Variants in IGSF21 observed in about 807,000 individuals in gnomAD.
IGSF21 encodes immunoglobin superfamily member 21, also known as immunoglobulin superfamily member 21.
In IGSF21, 28 loss-of-function variants were observed where a neutral mutation model predicts 46.8. The observed-to-expected ratio is 0.60, with a 90% CI of 0.44 to 0.82. The LOEUF (loss-of-function observed/expected upper bound fraction) is 0.82, where lower values mean the gene tolerates loss of function less well. Among genes scored for constraint, IGSF21 ranks in the 40% least tolerant of loss-of-function variants. The probability of loss-of-function intolerance (pLI) is 0.00; values close to 1 mark genes in which losing one functional copy is unlikely to be tolerated. For missense variants in IGSF21, 624 were observed against 665.5 expected (o/e 0.94, Z 0.69); for synonymous variants, 284 against 273.6 (o/e 1.04, Z -0.38).
At chr1:18,241,905 C>T (rs2084732013) in intron 2 of IGSF21, among the ~76,000 whole-genome samples, 1 of 152,168 alleles carries the variant, frequency 6.6e-6, no homozygotes, top group Non-Finnish European at 1.5e-5. Context: ...TTGTCTGAGT[C>T]CCCTTAGAGC....
At chr1:18,238,103 A>T (rs1311799713) in intron 2 of IGSF21, among the ~76,000 whole-genome samples, 1 of 152,150 alleles carries the variant, frequency 6.6e-6, no homozygotes, top group Non-Finnish European at 1.5e-5. Flanking sequence ...TGATGCCCCC[A>T]TGCCCCAACT....
chr1:18,261,390 G>A (rs1204223637), intron 2 of IGSF21, among the ~76,000 whole-genome samples: 1 of 152,074 alleles, frequency 6.6e-6, no homozygotes, highest in Non-Finnish European at 1.5e-5. Flanking sequence ...ACAGGGACTG[G>A]ATGGAAGGAA....
intron 2 of IGSF21, among the ~76,000 whole-genome samples, chr1:18,288,478 G>GT (rs2085236276): frequency 6.6e-6 from 1 of 152,208 alleles, no homozygotes; most frequent in African/African-American, 2.4e-5. Flanking sequence ...TGTCTGAAAT[G>GT]TATTTCCTTC....
intron 3 of IGSF21, among the ~76,000 whole-genome samples, chr1:18,325,927 GGGT>G (rs767965301): frequency 0.091 from 13,902 of 152,174 alleles, 1,729 homozygotes; most frequent in African/African-American, 0.28. Flanking sequence ...GTGCACACCT[GGGT>G]CACTAGGCCA....
At chr1:18,341,140 T>A (rs2085836318) in intron 4 of IGSF21, among the ~76,000 whole-genome samples, 1 of 150,664 alleles carries the variant, frequency 6.6e-6, no homozygotes, top group African/African-American at 2.4e-5. Flanking sequence ...CTTTTTTTTT[T>A]TTGTGTGTGT....
intron 9 of IGSF21, among the ~76,000 whole-genome samples, 191 bp downstream of exon 9, chr1:18,377,622 G>T (rs2086297823): frequency 1.3e-5 from 2 of 152,146 alleles, no homozygotes; most frequent in African/African-American, 2.4e-5. Context: ...CAATAAAAAG[G>T]GACTCAGCCT....
intron 1 of IGSF21, among the ~76,000 whole-genome samples, chr1:18,124,180 A>T (rs182858730): frequency 6.6e-6 from 1 of 152,308 alleles, no homozygotes. Context: ...TGAAGCCAAA[A>T]TAGGGGTGTG....
Position 18,108,142 on chromosome 1 carries a change from C to T in IGSF21, c.14C>T (p.Pro5Leu). Residue 5 changes from proline to leucine, a missense_variant, in exon 1 of 10, where the codon CCG becomes CTG. By Grantham distance (98) the Pro-to-Leu change is moderately conservative. Transcript: ENST00000251296. ...CTCCCGGGCACCATGCGAACCGCCC[C>T]GAGCCTCCGCCGCTGCGTCTGCCTG... Reference protein sequence around the residue: MRTAPSLRRCVCLLL... With the variant: MRTALSLRRCVCLLL... 13 of 1,439,700 alleles carry T rather than the reference C, an allele frequency of 9.0e-6. No homozygotes were observed. Among genetic ancestry groups the T allele is most frequent in the Non-Finnish European group, 1.2e-5 (13 of 1,097,568 alleles). 89.2% of individuals were successfully genotyped at this position (1,439,700 alleles called of 1,614,324 possible). A position where few individuals can be genotyped will look rare whatever the true frequency, so the allele number is the denominator to read the frequency against.
intron 4 of IGSF21, among the ~76,000 whole-genome samples, chr1:18,355,426 C>T (rs519312): frequency 0.32 from 48,490 of 152,052 alleles, 8,149 homozygotes; most frequent in African/African-American, 0.43. Flanking sequence ...CTCCCTGTGT[C>T]GATGTTAACT....
chr1:18,343,510 G>T (rs1232358914), intron 4 of IGSF21, among the ~76,000 whole-genome samples: 1 of 152,134 alleles, frequency 6.6e-6, no homozygotes, highest in Non-Finnish European at 1.5e-5. Flanking sequence ...TATTTAAGGA[G>T]GCTTTGCCTA....
intron 3 of IGSF21, among the ~76,000 whole-genome samples, chr1:18,321,468 G>A (rs2124594454): frequency 6.6e-6 from 1 of 152,350 alleles, no homozygotes; most frequent in South Asian, 2.1e-4. Context: ...CATCCATTTG[G>A]AAAGCTGTAA....
intron 1 of IGSF21, among the ~76,000 whole-genome samples, chr1:18,219,217 G>T (rs1162429478): frequency 6.6e-6 from 1 of 152,188 alleles, no homozygotes; most frequent in East Asian, 1.9e-4. Context: ...TTTACATGGG[G>T]TAGTCGCAAG....
intron 1 of IGSF21, among the ~76,000 whole-genome samples, chr1:18,222,817 G>A (rs1481633019): frequency 6.6e-6 from 1 of 152,176 alleles, no homozygotes; most frequent in Non-Finnish European, 1.5e-5. Flanking sequence ...ATTGGACCTA[G>A]AGGAGAACTT....
intron 2 of IGSF21, among the ~76,000 whole-genome samples, chr1:18,252,271 G>A (rs1210183137): frequency 5.3e-5 from 8 of 151,814 alleles, no homozygotes; most frequent in African/African-American, 1.2e-4. Flanking sequence ...GGATGGTCTC[G>A]ATCTCCTGAC....
At chr1:18,184,216 A>G (rs1403513141) in intron 1 of IGSF21, among the ~76,000 whole-genome samples, 1 of 152,198 alleles carries the variant, frequency 6.6e-6, no homozygotes, top group Non-Finnish European at 1.5e-5. Context: ...GGCTTCTCAC[A>G]GAGTGAGCAC....
intron 3 of IGSF21, among the ~76,000 whole-genome samples, chr1:18,309,913 A>G (rs1363906551): frequency 6.6e-6 from 1 of 151,964 alleles, no homozygotes; most frequent in Non-Finnish European, 1.5e-5. Flanking sequence ...TTTCTCCCCC[A>G]CCTACCCAGA....
At position 18,201,730 on chromosome 1, in the gene IGSF21, C is replaced by T. The variant is rs116378166; in HGVS notation, c.71-26168C>T. 4.9e-3 allele frequency among the ~76,000 whole-genome samples: 740 copies of T among 152,200 alleles called. 6 individuals are homozygous for T. The highest frequency in any genetic ancestry group is 0.016 in the African/African-American group (661 of 41,524). On this transcript the variant is annotated intron_variant, in intron 1 of 9. Coordinates refer to ENST00000251296, the MANE Select transcript of IGSF21 (RefSeq NM_032880.5). ...TGGGGTGTGTGTCGGGGGGTCTGTCCGTTACTGGCATCCCTCTCCCATCCC... is the reference window on the plus strand; with the variant it reads ...TGGGGTGTGTGTCGGGGGGTCTGTCTGTTACTGGCATCCCTCTCCCATCCC...
intron 2 of IGSF21, among the ~76,000 whole-genome samples, chr1:18,258,823 C>T (rs566024067): frequency 6.6e-6 from 1 of 152,176 alleles, no homozygotes; most frequent in African/African-American, 2.4e-5. Flanking sequence ...GGCTTAGCAC[C>T]TAGTAAGTGT....
At chr1:18,196,336 T>C (rs1230130539) in intron 1 of IGSF21, among the ~76,000 whole-genome samples, 2 of 151,964 alleles carry the variant, frequency 1.3e-5, no homozygotes, top group African/African-American at 4.8e-5. Flanking sequence ...TGAGCTGGAT[T>C]CTGTATTGAC....
Sources: allele counts gnomAD v4.1 joint callset (sites outside exome capture counted in the v4.1 genomes callset), GRCh38; gene constraint gnomAD v4.1.1; transcripts MANE v1.5; gene names NCBI Gene and HGNC (gene_info 2026-07-23, HGNC 2026-07-21).